The following FAM178B variants were observed in gnomAD, a reference collection of about 807,000 sequenced individuals.
FAM178B encodes the protein protein FAM178B.
A neutral mutation model predicts 91.7 loss-of-function variants in FAM178B; 82 were observed. That is an observed-to-expected ratio of 0.89 (90% CI 0.75 to 1.07). FAM178B has a LOEUF of 1.07. FAM178B is among the 50% of genes least tolerant of loss of function. FAM178B has a pLI of 0.00. For synonymous variants in FAM178B, 368 were observed against 359.4 expected, an observed-to-expected ratio of 1.02 and a Z score of -0.27; for missense variants, 769 against 846.7, an observed-to-expected ratio of 0.91 and a Z score of 1.14.
chr2:96,939,686 T>C (rs1006233769), intron 8 of FAM178B, among the ~76,000 whole-genome samples: 4 of 151,818 alleles, frequency 2.6e-5, no homozygotes, highest in Admixed American at 2.0e-4. Context: ...TGAGGTAAAA[T>C]GAGCTGGACA....
chr2:96,949,692 C>T (rs538835622), intron 7 of FAM178B, among the ~76,000 whole-genome samples: 1 of 152,242 alleles, frequency 6.6e-6, no homozygotes, highest in Non-Finnish European at 1.5e-5. Flanking sequence ...AAAGCCAGTG[C>T]ACCCCTTTCA....
At chr2:96,898,084 T>A in intron 13 of FAM178B, 1 of 985,692 alleles carries the variant, frequency 1.0e-6, no homozygotes, top group Non-Finnish European at 1.2e-6. Flanking sequence ...TGTGCCCAGA[T>A]CCAGCCCCAG....
chr2:96,938,371 C>A (rs2081667522), intron 8 of FAM178B, among the ~76,000 whole-genome samples: 1 of 152,172 alleles, frequency 6.6e-6, no homozygotes, highest in South Asian at 2.1e-4. Flanking sequence ...GTGGTGGGGA[C>A]AGGAGCTGAG....
intron 5 of FAM178B, among the ~76,000 whole-genome samples, chr2:96,964,271 C>A (rs1364696228): frequency 1.3e-5 from 2 of 151,938 alleles, no homozygotes; most frequent in African/African-American, 4.8e-5. Flanking sequence ...TATCTCTGGG[C>A]ACCCATGTAA....
intron 13 of FAM178B, among the ~76,000 whole-genome samples, chr2:96,902,255 G>A (rs1465630301): frequency 3.9e-5 from 6 of 151,934 alleles, no homozygotes; most frequent in African/African-American, 7.3e-5. Context: ...ACAGGCACCC[G>A]CCACCACACC....
intron 12 of FAM178B, among the ~76,000 whole-genome samples, chr2:96,905,576 G>T: frequency 6.8e-6 from 1 of 147,870 alleles, no homozygotes; most frequent in East Asian, 2.0e-4. Flanking sequence ...AAAAGAAAAA[G>T]AAAAAGAAAA....
intron 10 of FAM178B, among the ~76,000 whole-genome samples, chr2:96,922,972 C>G (rs1402802624): frequency 1.4e-5 from 2 of 147,756 alleles, no homozygotes; most frequent in African/African-American, 5.0e-5. Flanking sequence ...CTGCATCCAG[C>G]CTTTTTGTTT....
intron 4 of FAM178B, among the ~76,000 whole-genome samples, chr2:96,969,984 CA>C (rs2082195183): frequency 1.3e-5 from 2 of 152,368 alleles, no homozygotes; most frequent in South Asian, 4.1e-4. Context: ...TTAACTTCTG[CA>C]AACACAATGG....
intron 15 of FAM178B, among the ~76,000 whole-genome samples, 163 bp from the exon 16 acceptor site, chr2:96,878,205 C>A (rs1278300992): frequency 6.6e-6 from 1 of 152,210 alleles, no homozygotes; most frequent in Admixed American, 6.5e-5. Context: ...ACTGTTGGGG[C>A]TCGGGTCAGT....
intron 13 of FAM178B, chr2:96,898,037 A>G: frequency 1.0e-6 from 1 of 985,586 alleles, no homozygotes; most frequent in Non-Finnish European, 1.2e-6. Flanking sequence ...CAGCTTGGCC[A>G]TCAGGGACTC....
chr2:96,881,100 C>T (rs529261224), intron 14 of FAM178B, among the ~76,000 whole-genome samples: 10 of 151,784 alleles, frequency 6.6e-5, no homozygotes, highest in Admixed American at 2.0e-4. Context: ...AGTGAGACCC[C>T]GACTCCACAG....
At chr2:96,924,341 C>A (rs1241766436) in intron 9 of FAM178B, among the ~76,000 whole-genome samples, 1 of 152,212 alleles carries the variant, frequency 6.6e-6, no homozygotes, top group East Asian at 1.9e-4. Flanking sequence ...GAAATCAGAA[C>A]AAAACATCCC....
chr2:96,973,396 G>A (rs1017979803), intron 1 of FAM178B, among the ~76,000 whole-genome samples: 1 of 152,108 alleles, frequency 6.6e-6, no homozygotes, highest in Non-Finnish European at 1.5e-5. Context: ...GCCCACAGTA[G>A]GTATTTGTGC....
intron 14 of FAM178B, among the ~76,000 whole-genome samples, chr2:96,881,836 C>T (rs1233995268): frequency 1.3e-5 from 2 of 152,082 alleles, no homozygotes; most frequent in Non-Finnish European, 2.9e-5. Context: ...CCCTGTTAAC[C>T]ACATTTTATA....
intron 16 of FAM178B, among the ~76,000 whole-genome samples, chr2:96,877,424 A>G (rs1205797743): frequency 1.4e-5 from 2 of 140,190 alleles, no homozygotes; most frequent in South Asian, 2.2e-4. Flanking sequence ...TTTTTTTGAG[A>G]TGGAGTCTTG....
In FAM178B at chr2:96,894,000, G is replaced by C; in HGVS notation, c.1702C>G (p.Gln568Glu). 6.2e-7 allele frequency: 1 copy of C among 1,612,760 alleles called. No homozygotes were observed. Among genetic ancestry groups the C allele is most frequent in the Non-Finnish European group, 8.5e-7 (1 of 1,179,632 alleles). The change falls in exon 14 of 17, where the codon CAA becomes GAA. Residue 568 changes from glutamine to glutamate, a missense_variant. Gln to Glu is a conservative substitution (Grantham distance 29, BLOSUM62 2). Transcript: ENST00000490605. Reference protein sequence around the residue: ...LGLMRPSSLRQYLDSVPLPPC... With the variant: ...LGLMRPSSLREYLDSVPLPPC... ...GGCAAGGGCACAGAGTCCAGGTATT[G>C]CCTGAGAGATGATGGCCTCATGAGG...
chr2:96,899,388 G>A (rs574155628), intron 13 of FAM178B, among the ~76,000 whole-genome samples: 2 of 152,278 alleles, frequency 1.3e-5, no homozygotes, highest in South Asian at 2.1e-4. Context: ...CACAGAGCCT[G>A]GCACTCAGGT....
chr2:96,893,706 G>A (rs555276584), intron 14 of FAM178B, among the ~76,000 whole-genome samples: 65 of 152,056 alleles, frequency 4.3e-4, no homozygotes, highest in African/African-American at 2.7e-4. Flanking sequence ...CGCACAGGGC[G>A]TCCCCAGCGC....
chr2:96,884,484 T>C (rs1574184297), intron 14 of FAM178B, among the ~76,000 whole-genome samples: 1 of 152,154 alleles, frequency 6.6e-6, no homozygotes, highest in African/African-American at 2.4e-5. Context: ...ACGGTCTAGG[T>C]ATCCACACAG....
Sources: allele counts gnomAD v4.1 joint callset (sites outside exome capture counted in the v4.1 genomes callset), GRCh38; gene constraint gnomAD v4.1.1; transcripts MANE v1.5; gene names NCBI Gene and HGNC (gene_info 2026-07-23, HGNC 2026-07-21).